Variants in VAV2 observed in about 807,000 individuals in gnomAD.
VAV2 encodes the protein vav guanine nucleotide exchange factor 2.
VAV2 carries 67 observed loss-of-function variants against 132.5 expected under a neutral mutation model. The ratio of observed to expected loss-of-function variants is 0.51; its 90% confidence interval spans 0.42 to 0.62. The LOEUF is 0.62. Among genes scored for constraint, VAV2 ranks in the 20% least tolerant of loss-of-function variants. VAV2 has a pLI of 0.00. For synonymous variants in VAV2, 492 were observed against 443.5 expected (o/e 1.11, Z -1.37); for missense variants, 938 against 1,153.6 (o/e 0.81, Z 2.71).
intron 22 of VAV2, among the ~76,000 whole-genome samples, chr9:133,778,122 G>A (rs1164501495): frequency 1.3e-5 from 2 of 152,124 alleles, no homozygotes; most frequent in African/African-American, 4.8e-5. Flanking sequence ...CAAGAGAAGG[G>A]CAAATGTGCC....
At chr9:133,901,210 G>A (rs1036684239) in intron 2 of VAV2, among the ~76,000 whole-genome samples, 3 of 152,228 alleles carry the variant, frequency 2.0e-5, no homozygotes, top group Non-Finnish European at 2.9e-5. Flanking sequence ...TCATGTAAAA[G>A]CACCACTCCG....
At chr9:133,855,203 G>A (rs1197850454) in intron 3 of VAV2, among the ~76,000 whole-genome samples, 1 of 152,258 alleles carries the variant, frequency 6.6e-6, no homozygotes, top group Non-Finnish European at 1.5e-5. Context: ...GCAGGACAAG[G>A]TGTTGGCGTG....
Position 133,771,088 on chromosome 9 carries a change from G to T in VAV2, c.2224-587C>A, listed in dbSNP as rs147271797. On this transcript the variant is annotated intron_variant, in intron 26 of 29. Coordinates refer to ENST00000371850, the MANE Select transcript of VAV2 (RefSeq NM_001134398.2). ...TTTTTTTTTTTTTTTTTTTGAGACA[G>T]AGTCTTACTCTGTCACCCAGGCTGG... Among the ~76,000 whole-genome samples, 257 of 121,154 alleles carry T rather than the reference G, an allele frequency of 2.1e-3. 4 individuals are homozygous for T. The East Asian group carries it at 0.053, about 25-fold the overall frequency. The allele number at this position is 121,154 out of a possible 152,430, so 79.5% of individuals were successfully genotyped here.
At chr9:133,929,039 C>T (rs917494991) in intron 2 of VAV2, among the ~76,000 whole-genome samples, 1 of 152,198 alleles carries the variant, frequency 6.6e-6, no homozygotes, top group East Asian at 1.9e-4. Flanking sequence ...TGGAATCTCC[C>T]GCCCACAGCC....
intron 1 of VAV2, among the ~76,000 whole-genome samples, chr9:133,957,607 T>C (rs1195126618): frequency 6.6e-6 from 1 of 151,964 alleles, no homozygotes; most frequent in Non-Finnish European, 1.5e-5. Flanking sequence ...AAGAGGGACG[T>C]CATCCCCGTG....
In VAV2 at chr9:133,884,138, G is replaced by A. The variant is rs1042383466; in HGVS notation, c.322-22706C>T. Among the ~76,000 whole-genome samples the A allele has an allele frequency of 6.6e-6, 1 of 151,432 alleles. No homozygotes were observed. Among genetic ancestry groups the A allele is most frequent in the Admixed American group, 6.6e-5 (1 of 15,214 alleles). Reference sequence around the variant, plus strand: ...CTGCATTCCAGCCTGGCAACAGCCAGACTCAGTCTCAACCAAAAAAAAAAA... The same window carrying A: ...CTGCATTCCAGCCTGGCAACAGCCAAACTCAGTCTCAACCAAAAAAAAAAA... On this transcript the variant is annotated intron_variant, in intron 2 of 29. Transcript: ENST00000371850. The surrounding 1 kb of genome is among the most constrained non-coding windows in gnomAD (Gnocchi z 5.3).
intron 26 of VAV2, among the ~76,000 whole-genome samples, chr9:133,771,540 C>T (rs906346499): frequency 2.0e-5 from 3 of 152,210 alleles, no homozygotes; most frequent in African/African-American, 7.2e-5. Flanking sequence ...TGCATTCTGG[C>T]TGGGACAGAG....
intron 2 of VAV2, among the ~76,000 whole-genome samples, chr9:133,876,025 G>A (rs996810325): frequency 1.3e-5 from 2 of 152,238 alleles, no homozygotes; most frequent in Admixed American, 6.5e-5. Flanking sequence ...ATCGACGCTC[G>A]TCGTTCTCAG....
chr9:133,954,727 C>T (rs928491742), intron 1 of VAV2, among the ~76,000 whole-genome samples: 7 of 152,104 alleles, frequency 4.6e-5, no homozygotes, highest in South Asian at 2.1e-4. Context: ...TGTGGGGGTG[C>T]GCAGGTGCTT....
Position 133,784,269 on chromosome 9 carries a change from G to A in VAV2, c.1634+48C>T, listed in dbSNP as rs186814963. ...AACACTAAGCTCTCTCAGGGGCCTG[G>A]GCTGGGCGTGGAGCGAGGTGAGGGC... is the stretch of plus-strand genomic sequence containing the variant. On this transcript the variant is annotated intron_variant, in intron 18 of 29. Coordinates refer to ENST00000371850, the MANE Select transcript of VAV2 (RefSeq NM_001134398.2). The A allele has an allele frequency of 3.8e-6, 6 of 1,579,642 alleles. No individual in the cohort carries two copies. In the African/African-American group the frequency reaches 8.1e-5, roughly 21 times the overall value.
At position 133,868,660 on chromosome 9, in the gene VAV2, G is replaced by T. The variant is rs73662315; in HGVS notation, c.322-7228C>A. 4.4e-3 allele frequency among the ~76,000 whole-genome samples: 663 copies of T among 152,392 alleles called. 1 individual carries two copies. The highest frequency in any genetic ancestry group is 0.015 in the African/African-American group (621 of 41,594). On this transcript the variant is annotated intron_variant, in intron 2 of 29. Transcript: ENST00000371850. ...TAGGCTCAGGGCCAGAAGCGTGCATGTTTGTTATGACTTTAGAAGACACTC... is the reference window on the plus strand; with the variant it reads ...TAGGCTCAGGGCCAGAAGCGTGCATTTTTGTTATGACTTTAGAAGACACTC...
At position 133,863,346 on chromosome 9, in the gene VAV2, G is replaced by C. The variant is rs73662306; in HGVS notation, c.322-1914C>G. Among the ~76,000 whole-genome samples the C allele has an allele frequency of 0.021, 3,177 of 152,296 alleles. 115 individuals are homozygous for C. The highest frequency in any genetic ancestry group is 0.071 in the African/African-American group (2,966 of 41,554). On this transcript the variant is annotated intron_variant, in intron 2 of 29. Transcript: ENST00000371850. The surrounding 1 kb of genome is among the most constrained non-coding windows in gnomAD (Gnocchi z 5.0). ...CTCCGTGGAGTCTAAGGAGGCACCAGCATTCGGTCAGCGCTGACACACAAG... is the reference window on the plus strand; with the variant it reads ...CTCCGTGGAGTCTAAGGAGGCACCACCATTCGGTCAGCGCTGACACACAAG...
chr9:133,976,391 CGCCCAGCCCT>C (rs1842512881), intron 1 of VAV2, among the ~76,000 whole-genome samples: 1 of 152,152 alleles, frequency 6.6e-6, no homozygotes, highest in South Asian at 2.1e-4. Flanking sequence ...CCCCCAGCCC[CGCCCAGCCCT>C]GCCTCTCCTG....
chr9:133,988,288 G>T (rs1008140811), intron 1 of VAV2, among the ~76,000 whole-genome samples: 1 of 152,026 alleles, frequency 6.6e-6, no homozygotes, highest in African/African-American at 2.4e-5. Context: ...CAAAACCCAA[G>T]AATGAGGCCA....
chr9:133,790,325 C>T (rs1222367138), intron 13 of VAV2, among the ~76,000 whole-genome samples: 3 of 152,096 alleles, frequency 2.0e-5, no homozygotes, highest in East Asian at 1.9e-4. Context: ...TATAGGCACC[C>T]GCCAGCACGC....
chr9:133,780,031 C>G (rs1564338054), intron 20 of VAV2, 92 bp from the exon 21 acceptor site: 6 of 1,555,128 alleles, frequency 3.9e-6, no homozygotes, highest in Middle Eastern at 1.7e-4. Context: ...CCTGTCCCCA[C>G]TAGTTCCTAG....
At chr9:133,875,865 A>G (rs1472559993) in intron 2 of VAV2, among the ~76,000 whole-genome samples, 1 of 152,212 alleles carries the variant, frequency 6.6e-6, no homozygotes, top group African/African-American at 2.4e-5. Flanking sequence ...AGAGGAGACC[A>G]GCATCTGAGT....
chr9:133,861,968 C>T (rs1837612913), intron 2 of VAV2, among the ~76,000 whole-genome samples: 1 of 152,246 alleles, frequency 6.6e-6, no homozygotes, highest in African/African-American at 2.4e-5. Context: ...CAAGCCCTCC[C>T]TTGCATGACA....
intron 3 of VAV2, among the ~76,000 whole-genome samples, chr9:133,844,640 A>G (rs1836859214): frequency 1.3e-5 from 2 of 152,208 alleles, no homozygotes; most frequent in Admixed American, 1.3e-4. Context: ...GACAGGGATC[A>G]GGATGCTTCC....
Sources: allele counts gnomAD v4.1 joint callset (sites outside exome capture counted in the v4.1 genomes callset), GRCh38; gene constraint gnomAD v4.1.1; non-coding constraint Gnocchi (gnomAD v3.1); transcripts MANE v1.5; gene names NCBI Gene and HGNC (gene_info 2026-07-23, HGNC 2026-07-21).